The following EFCAB7 variants were observed in gnomAD, a reference collection of about 807,000 sequenced individuals.
EFCAB7 encodes EF-hand calcium binding domain 7.
Under a neutral mutation model 77.1 loss-of-function variants are expected in EFCAB7, and 66 were observed. The ratio of observed to expected loss-of-function variants is 0.86; its 90% CI spans 0.70 to 1.05. The LOEUF is 1.05. EFCAB7 is among the 50% of genes least tolerant of loss of function. The pLI is 0.00. For missense variants in EFCAB7, 638 were observed against 730.5 expected (o/e 0.87, Z 1.46); for synonymous variants, 225 against 243.3 (o/e 0.92, Z 0.70).
chr1:63,557,815 G>A (rs962075245), intron 10 of EFCAB7, among the ~76,000 whole-genome samples: 4 of 152,134 alleles, frequency 2.6e-5, no homozygotes, highest in Non-Finnish European at 5.9e-5. Context: ...AGACATACTT[G>A]CATATTTAAG....
chr1:63,542,658 G>A lies in EFCAB7; in HGVS notation c.805-3258G>A, dbSNP rs954129028. ...TTTGATAATAGGTATCCTAATGGGT[G>A]TAAGGTGGTATCTCATTGAGGTTAT... On this transcript the variant is annotated intron_variant, in intron 6 of 13. Transcript: ENST00000371088. 5.9e-5 allele frequency among the ~76,000 whole-genome samples: 9 copies of A among 152,256 alleles called. No individual in the cohort carries two copies. In the East Asian group the frequency reaches 1.2e-3, roughly 20 times the overall value.
At chr1:63,567,427 T>G (rs1445104966) in intron 11 of EFCAB7, among the ~76,000 whole-genome samples, 1 of 151,666 alleles carries the variant, frequency 6.6e-6, no homozygotes, top group African/African-American at 2.4e-5. Context: ...CACTCCAGCC[T>G]GGGCGACAAG....
At chr1:63,559,346 C>T (rs1647067770) in intron 10 of EFCAB7, among the ~76,000 whole-genome samples, 1 of 150,136 alleles carries the variant, frequency 6.7e-6, no homozygotes, top group African/African-American at 2.5e-5. Context: ...CCATATATTC[C>T]TCCTCACCCA....
intron 2 of EFCAB7, among the ~76,000 whole-genome samples, chr1:63,530,604 T>C (rs979994087): frequency 2.0e-5 from 3 of 152,208 alleles, no homozygotes; most frequent in African/African-American, 4.8e-5. Flanking sequence ...TTGCTCTTCA[T>C]AGATAGAAGG....
the EFCAB7 span, among the ~76,000 whole-genome samples, chr1:63,583,039 A>T: frequency 6.6e-6 from 1 of 152,100 alleles, no homozygotes; most frequent in Non-Finnish European, 1.5e-5. Context: ...GCAAAGAAGG[A>T]TCAGATGAGT....
intron 2 of EFCAB7, among the ~76,000 whole-genome samples, chr1:63,530,867 T>C (rs966832227): frequency 1.4e-4 from 22 of 152,232 alleles, no homozygotes; most frequent in Non-Finnish European, 4.4e-5. Flanking sequence ...TTAAGATATT[T>C]GTTTTTTAAA....
intron 7 of EFCAB7, chr1:63,549,101 T>C (rs1266479470): frequency 3.7e-6 from 1 of 272,766 alleles, no homozygotes; most frequent in Non-Finnish European, 7.3e-6. Flanking sequence ...CAAAGGGCAG[T>C]AGGCGGAGCT....
chr1:63,534,962 C>T (rs1557672766), intron 6 of EFCAB7, among the ~76,000 whole-genome samples: 2 of 152,018 alleles, frequency 1.3e-5, no homozygotes, highest in Admixed American at 6.6e-5. Flanking sequence ...TTTGTTCAGA[C>T]TGTTTAGGAA....
intron 2 of EFCAB7, among the ~76,000 whole-genome samples, chr1:63,528,902 G>A (rs1024245998): frequency 6.6e-6 from 1 of 152,012 alleles, no homozygotes; most frequent in Non-Finnish European, 1.5e-5. Flanking sequence ...TAGCAGTAGT[G>A]TAGCAATATG....
intron 9 of EFCAB7, among the ~76,000 whole-genome samples, chr1:63,556,469 AG>A (rs1647031503): frequency 6.6e-6 from 1 of 152,136 alleles, no homozygotes; most frequent in Non-Finnish European, 1.5e-5. Flanking sequence ...ACATTTGGCA[AG>A]TCAACTTCAG....
At chr1:63,573,918 C>T (rs1467447180), downstream of EFCAB7, among the ~76,000 whole-genome samples, 1 of 152,074 alleles carries the variant, frequency 6.6e-6, no homozygotes, top group African/African-American at 2.4e-5. Context: ...TGAGAAACTG[C>T]TTGGGTGATT....
rs747226900 is a variant in EFCAB7 at position 63,551,711 on chromosome 1, T to C, written c.947-14T>C. The C allele has an allele frequency of 8.3e-6, 12 of 1,446,918 alleles. No individual in the cohort carries two copies. In the South Asian group the frequency reaches 1.5e-4, roughly 18 times the overall value. The allele number at this position is 1,446,918 out of a possible 1,614,324, so 89.6% of individuals were successfully genotyped here. The stretch of plus-strand genomic sequence containing the variant: ...CTTATTTTAAGGTGTTTGGGCTTTT[T>C]TTTTTGTTTGTAGGAAAACCATCCC... On this transcript the variant is annotated splice_polypyrimidine_tract_variant and intron_variant, in intron 7 of 13. Transcript: ENST00000371088.
intron 4 of EFCAB7, 117 bp downstream of exon 4, chr1:63,532,873 A>AT: frequency 1.4e-6 from 1 of 729,134 alleles, no homozygotes; most frequent in Non-Finnish European, 2.3e-6. Flanking sequence ...GTTTTGATAT[A>AT]TGTATACATT....
At chr1:63,562,443 ATT>A (rs1234617769) in intron 11 of EFCAB7, among the ~76,000 whole-genome samples, 7 of 29,710 alleles carry the variant, frequency 2.4e-4, no homozygotes, top group African/African-American at 9.1e-4. Flanking sequence ...GGCCTTCTTA[ATT>A]TATTTATATA....
intron 1 of EFCAB7, among the ~76,000 whole-genome samples, chr1:63,524,795 A>G (rs200849944): frequency 1.3e-5 from 2 of 152,126 alleles, no homozygotes; most frequent in South Asian, 4.1e-4. Context: ...CAATTTCCTC[A>G]TCTGTAAAAC....
At chr1:63,557,880 C>T (rs1197569943) in intron 10 of EFCAB7, among the ~76,000 whole-genome samples, 2 of 152,138 alleles carry the variant, frequency 1.3e-5, no homozygotes, top group South Asian at 2.1e-4. Flanking sequence ...CTATAGATCA[C>T]AGAACAAGAG....
chr1:63,545,764 G>C (rs1646890207), intron 6 of EFCAB7, 152 bp from the exon 7 acceptor site: 1 of 703,948 alleles, frequency 1.4e-6, no homozygotes, highest in Non-Finnish European at 2.3e-6. Flanking sequence ...TGTTATGTCT[G>C]TTTTCTACCT....
At position 63,532,676 on chromosome 1, in the gene EFCAB7, GAGA is replaced by G. The variant is rs748335379; in HGVS notation, c.410_412del (p.Lys137del). 3.0e-5 allele frequency: 47 copies of G among 1,591,254 alleles called. No homozygotes were observed. The highest frequency in any genetic ancestry group is 1.7e-4 in the Middle Eastern group (1 of 6,014). On this transcript the variant is annotated inframe_deletion, in exon 4 of 14. Coordinates refer to ENST00000371088, the MANE Select transcript of EFCAB7 (RefSeq NM_032437.4). ...TCTTGTTTTTTTTTTTCAGAGAGGT[GAGA>G]AGATGACTCGAGAAGAAGTAAATGC...
chr1:63,543,505 G>A (rs1646854275), intron 6 of EFCAB7, among the ~76,000 whole-genome samples: 2 of 152,074 alleles, frequency 1.3e-5, no homozygotes. Context: ...TATTAGAAAG[G>A]ATTACATGAA....
Sources: allele counts gnomAD v4.1 joint callset (sites outside exome capture counted in the v4.1 genomes callset), GRCh38; gene constraint gnomAD v4.1.1; transcripts MANE v1.5; gene names NCBI Gene and HGNC (gene_info 2026-07-23, HGNC 2026-07-21).